BRAT1: variants seen among roughly 807,000 people sequenced by gnomAD.
The protein encoded by BRAT1 is BRCA1 associated ATM activator 1.
In BRAT1, 74 loss-of-function variants were observed where a neutral mutation model predicts 70.6. The observed-to-expected ratio is 1.05, with a 90% CI of 0.87 to 1.27. The LOEUF is 1.27. Among genes scored for constraint, BRAT1 ranks in the 50% most tolerant of loss-of-function variants. BRAT1 has a pLI of 0.00. For missense variants in BRAT1, 1,203 were observed against 1,098.2 expected (o/e 1.10, Z -1.35); for synonymous variants, 615 against 517.1 (o/e 1.19, Z -2.57).
chr7:2,543,725 G>C lies in BRAT1; in HGVS notation c.668C>G (p.Thr223Arg). ...KVTQALNVLT[T>R]TFGRCQSPWT... ...GGGGCTCTGGCAGCGCCCGAAGGTC[G>C]TGGTCAGGACGTTCAGGGCCTGAGT... is the stretch of plus-strand genomic sequence containing the variant. Residue 223 changes from threonine to arginine, a missense_variant, in exon 5 of 14, where the codon ACG becomes AGG. Transcript: ENST00000340611. The surrounding 1 kb of genome is among the most constrained non-coding windows in gnomAD (Gnocchi z 5.5). 1 of 1,590,740 alleles carries C rather than the reference G, an allele frequency of 6.3e-7. No homozygotes were observed.
chr7:2,547,855 G>A (rs1016522468), intron 2 of BRAT1, among the ~76,000 whole-genome samples: 4 of 151,916 alleles, frequency 2.6e-5, no homozygotes, highest in South Asian at 2.1e-4. Context: ...AGGCCAAGGC[G>A]GGTGGTCACT....
intron 2 of BRAT1, among the ~76,000 whole-genome samples, chr7:2,552,316 C>T (rs1444039961): frequency 6.7e-6 from 1 of 150,316 alleles, no homozygotes; most frequent in Non-Finnish European, 1.5e-5. Flanking sequence ...CGGGGTTTCA[C>T]CATGTTAGCC....
At chr7:2,554,073 G>A (rs1220364342) in intron 2 of BRAT1, among the ~76,000 whole-genome samples, 2 of 152,168 alleles carry the variant, frequency 1.3e-5, no homozygotes, top group Non-Finnish European at 2.9e-5. Flanking sequence ...CCTGATCGTG[G>A]CTCAACTGGC....
chr7:2,537,921 G>T lies in BRAT1; in HGVS notation c.*148C>A. ...ATTTCTTTAATACATCAAACTGTGG[G>T]ATTTCTTGACCTTGCTTCTCTCCTG... On this transcript the variant is annotated 3_prime_UTR_variant, in exon 14 of 14. Transcript: ENST00000340611. 7.8e-7 allele frequency: 1 copy of T among 1,276,124 alleles called. No homozygotes were observed. The highest frequency in any genetic ancestry group is 1.0e-6 in the Non-Finnish European group (1 of 984,064). The allele number at this position is 1,276,124 out of a possible 1,614,324, so 79.1% of individuals were successfully genotyped here.
At chr7:2,554,580 T>G (rs992090250) in intron 1 of BRAT1, 133 bp from the exon 2 acceptor site, 3 of 1,131,468 alleles carry the variant, frequency 2.7e-6, no homozygotes, top group Non-Finnish European at 2.4e-6. Context: ...AGGAGAACCA[T>G]GATCCCCAGA....
chr7:2,542,931 G>A (rs1464804977), intron 6 of BRAT1: 9 of 252,810 alleles, frequency 3.6e-5, no homozygotes, highest in South Asian at 2.2e-4. Flanking sequence ...GCAGGGCGTC[G>A]GCAGGACCAC....
rs1338791420 is a variant in BRAT1 at position 2,549,652 on chromosome 7, G to A, written c.128-2174C>T. Among the ~76,000 whole-genome samples the A allele has an allele frequency of 2.6e-5, 4 of 152,106 alleles. No individual in the cohort carries two copies. In the East Asian group the frequency reaches 5.8e-4, roughly 22 times the overall value. On this transcript the variant is annotated intron_variant, in intron 2 of 13. Coordinates refer to ENST00000340611, the MANE Select transcript of BRAT1 (RefSeq NM_152743.4). ...CTAACAGTCGCCTCAACAAATTAAA[G>A]AGATCAAACTTATCTGTTAAAAGAA...
chr7:2,551,093 G>A (rs1004178516), intron 2 of BRAT1, among the ~76,000 whole-genome samples: 2 of 151,856 alleles, frequency 1.3e-5, no homozygotes, highest in Admixed American at 1.3e-4. Context: ...TACAAAAATT[G>A]GCCGGGCATG....
rs747354620 is a variant in BRAT1 at position 2,547,457 on chromosome 7, T to A, written c.149A>T (p.Gln50Leu). The A allele has an allele frequency of 6.2e-7, 1 of 1,613,890 alleles. No homozygotes were observed. The highest frequency in any genetic ancestry group is 8.5e-7 in the Non-Finnish European group (1 of 1,180,018). The change falls in exon 3 of 14, where the codon CAG becomes CTG. Residue 50 changes from glutamine to leucine, a missense_variant. Gln to Leu is a moderately radical substitution (Grantham distance 113). Coordinates refer to ENST00000340611, the MANE Select transcript of BRAT1 (RefSeq NM_152743.4). ...CAGCTCCACCAGGCAGGGGTGCTCC[T>A]GCAGCAGCACGACACTGGACTCTGT... ...TEGESSVVLL[Q>L]EHPCLVELLS...
chr7:2,553,949 T>C (rs533943078), intron 2 of BRAT1, among the ~76,000 whole-genome samples: 12 of 152,210 alleles, frequency 7.9e-5, no homozygotes, highest in African/African-American at 2.9e-4. Context: ...ATCCGGCCCC[T>C]ACTTTCATAA....
In BRAT1 at chr7:2,537,992, G is replaced by A. The variant is rs1210735190; in HGVS notation, c.*77C>T. 1.4e-6 allele frequency: 2 copies of A among 1,445,164 alleles called. No individual in the cohort carries two copies. The highest frequency in any genetic ancestry group is 1.8e-6 in the Non-Finnish European group (2 of 1,101,102). The allele number at this position is 1,445,164 out of a possible 1,614,324, so 89.5% of individuals were successfully genotyped here. ...TCCACCGGGCTGGGCTGGAGCCCTG[G>A]GGCTGGCAGTGTCCCACAGAAGGAC... On this transcript the variant is annotated 3_prime_UTR_variant, in exon 14 of 14. Transcript: ENST00000340611.
At chr7:2,540,942 T>C in intron 10 of BRAT1, 37 bp downstream of exon 10, 1 of 1,483,702 alleles carries the variant, frequency 6.7e-7, no homozygotes, top group Non-Finnish European at 8.9e-7. Flanking sequence ...TGCCTCTGCC[T>C]CCCTCCTCTC....
intron 2 of BRAT1, among the ~76,000 whole-genome samples, chr7:2,550,980 C>T (rs1779961444): frequency 6.6e-6 from 1 of 152,146 alleles, no homozygotes; most frequent in African/African-American, 2.4e-5. Context: ...TGGCTCTCCA[C>T]TGTAACCCCA....
chr7:2,554,265 G>T, intron 2 of BRAT1, 40 bp downstream of exon 2: 1 of 1,607,414 alleles, frequency 6.2e-7, no homozygotes, highest in African/African-American at 1.3e-5. Context: ...TCTGCGTCTG[G>T]TCTCTGGATA....
intron 3 of BRAT1, among the ~76,000 whole-genome samples, chr7:2,547,018 C>CATCCCA (rs1779661957): frequency 6.6e-6 from 1 of 151,946 alleles, no homozygotes; most frequent in African/African-American, 2.4e-5. Flanking sequence ...CTCCTGTCTC[C>CATCCCA]GTCCCAGGAA....
Position 2,541,437 on chromosome 7 carries a change from T to A in BRAT1, c.1182A>T (p.Thr394=), listed in dbSNP as rs1272228964. The change falls in exon 9 of 14, where the codon ACA becomes ACT. Residue 394 remains threonine (T), a synonymous_variant. Coordinates refer to ENST00000340611, the MANE Select transcript of BRAT1 (RefSeq NM_152743.4). ...CGTCACAGAGCCGCAGGACAGTCAC[T>A]GTAGCCCCCAGTAGAGACGCCTGGG... The part of the protein sequence containing the change: ...PWPQASLLGA[T]VTVLRLCDGS... The A allele has an allele frequency of 6.3e-7, 1 of 1,578,832 alleles. No homozygotes were observed. The highest frequency in any genetic ancestry group is 8.6e-7 in the Non-Finnish European group (1 of 1,163,326).
In BRAT1 at chr7:2,541,913, C is replaced by A. The variant is rs924705092; in HGVS notation, c.1016-77G>T. 34 of 1,476,466 alleles carry A rather than the reference C, an allele frequency of 2.3e-5. 1 individual carries two copies. In the South Asian group the frequency reaches 4.1e-4, roughly 18 times the overall value. The allele number at this position is 1,476,466 out of a possible 1,614,324, so 91.5% of individuals were successfully genotyped here. On this transcript the variant is annotated intron_variant, in intron 7 of 13. Coordinates refer to ENST00000340611, the MANE Select transcript of BRAT1 (RefSeq NM_152743.4). Reference sequence around the variant, plus strand: ...CGGTCACCAGCCACCCCACGGTCACCACCCACAGCACAGGCCAGGACCTAG... The same window carrying A: ...CGGTCACCAGCCACCCCACGGTCACAACCCACAGCACAGGCCAGGACCTAG...
Position 2,543,101 on chromosome 7 carries a change from C to T in BRAT1, c.923+103G>A. Reference sequence around the variant, plus strand: ...ACCCCGCACGGCCGCCTGACTGTCCCTGGTGTCCGGAACTCCCCTGCCATG... The same window carrying T: ...ACCCCGCACGGCCGCCTGACTGTCCTTGGTGTCCGGAACTCCCCTGCCATG... On this transcript the variant is annotated intron_variant, in intron 6 of 13. Coordinates refer to ENST00000340611, the MANE Select transcript of BRAT1 (RefSeq NM_152743.4). The surrounding 1 kb of genome is among the most constrained non-coding windows in gnomAD (Gnocchi z 5.5). 1 of 1,416,668 alleles carries T rather than the reference C, an allele frequency of 7.1e-7. No individual in the cohort carries two copies. Among genetic ancestry groups the T allele is most frequent in the Middle Eastern group, 1.9e-4 (1 of 5,336 alleles). The allele number at this position is 1,416,668 out of a possible 1,614,324, so 87.8% of individuals were successfully genotyped here.
chr7:2,544,602 G>C (rs1249836416), intron 4 of BRAT1, among the ~76,000 whole-genome samples: 1 of 152,188 alleles, frequency 6.6e-6, no homozygotes, highest in African/African-American at 2.4e-5. Context: ...CTGGGCTCAA[G>C]TGATCCTCTT....
Sources: gnomAD v4.1 joint callset for allele counts (sites outside exome capture counted in the v4.1 genomes callset) on GRCh38, gnomAD v4.1.1 for gene constraint, Gnocchi (gnomAD v3.1) non-coding constraint, MANE v1.5 for transcripts, NCBI Gene and HGNC (gene_info 2026-07-23, HGNC 2026-07-21) for gene names.